The following GMIP variants were observed in gnomAD, a reference collection of about 807,000 sequenced individuals.
GMIP encodes the protein GEM-interacting protein.
In GMIP, 54 loss-of-function variants were observed where a neutral mutation model predicts 105.3. That is an observed-to-expected ratio of 0.51 (90% confidence interval 0.41 to 0.64). GMIP has a LOEUF of 0.64. GMIP is among the 30% of genes least tolerant of loss of function. The pLI is 0.00. For synonymous variants in GMIP, 541 were observed against 560.8 expected, an observed-to-expected ratio of 0.96 and a Z score of 0.50; for missense variants, 1,110 against 1,319.4, an observed-to-expected ratio of 0.84 and a Z score of 2.46.
Position 19,640,118 on chromosome 19 carries a change from C to T in GMIP, c.504G>A (p.Glu168=), listed in dbSNP as rs1347844237. 2 of 1,613,152 alleles carry T rather than the reference C, an allele frequency of 1.2e-6. No individual in the cohort carries two copies. Among genetic ancestry groups the T allele is most frequent in the South Asian group, 2.2e-5 (2 of 91,048 alleles). ...AGTCTCTTTTCTGCTGGGCCACTGT[C>T]TCCATGGCCAGGGTTCCCAGGCTGA... ...HDLSLGTLAM[E]TVAQQKRDYY... Residue 168 remains glutamate (E), a synonymous_variant, in exon 7 of 21, where the codon GAG becomes GAA. Coordinates refer to ENST00000203556, the MANE Select transcript of GMIP (RefSeq NM_016573.4).
rs756053760 is a variant in GMIP at position 19,635,539 on chromosome 19, C to T, written c.1436G>A (p.Gly479Asp). Residue 479 changes from glycine (G) to aspartate (D), a missense_variant, in exon 15 of 21, where the codon GGC (glycine) becomes GAC (aspartate). Coordinates refer to ENST00000203556, the MANE Select transcript of GMIP (RefSeq NM_016573.4). The surrounding 1 kb of genome is among the most constrained non-coding windows in gnomAD (Gnocchi z 4.7). ...DLGDGLENGL[G>D]SPFGKWTLSS... ...CAGTGTCCACTTCCCGAAGGGGCTG[C>T]CCAGCCCATTCTCCAGCCCGTCTCC... is the stretch of plus-strand genomic sequence containing the variant. The T allele has an allele frequency of 1.2e-6, 2 of 1,613,708 alleles. No homozygotes were observed. The highest frequency in any genetic ancestry group is 2.2e-5 in the South Asian group (2 of 91,076).
chr19:19,636,605 G>T, intron 13 of GMIP, 102 bp downstream of exon 13: 1 of 846,918 alleles, frequency 1.2e-6, no homozygotes. Context: ...TGTGGGGTAG[G>T]TCAGAGGTCA....
chr19:19,633,491 G>T (rs2061816906), intron 19 of GMIP, among the ~76,000 whole-genome samples: 1 of 152,184 alleles, frequency 6.6e-6, no homozygotes, highest in Admixed American at 6.5e-5. Context: ...AGGGTCTTTG[G>T]ATATTTAGCT....
Position 19,634,820 on chromosome 19 carries a change from G to A in GMIP, c.1859C>T (p.Ser620Leu). Residue 620 changes from serine (S) to leucine (L), a missense_variant, in exon 17 of 21, where the codon TCG becomes TTG. Physicochemically the swap from Ser to Leu is moderately radical, Grantham distance 145. This residue lies in a region of GMIP where 49 missense variants were observed against 95.6 expected (regional missense o/e 0.51). Transcript: ENST00000203556. The surrounding 1 kb of genome is among the most constrained non-coding windows in gnomAD (Gnocchi z 6.1). Reference protein sequence around the residue: ...ELSGNSPHDVSSVLKRFLQEL... With the variant: ...ELSGNSPHDVLSVLKRFLQEL... ...CTGAAGAAATCGCTTGAGGACACTC[G>A]AGACGTCATGAGGCGAGTTCCCCGA... is the stretch of plus-strand genomic sequence containing the variant. The A allele has an allele frequency of 6.2e-7, 1 of 1,613,804 alleles. No homozygotes were observed. The highest frequency in any genetic ancestry group is 8.5e-7 in the Non-Finnish European group (1 of 1,180,034).
rs1666958726 is a variant in GMIP at position 19,643,617 on chromosome 19, A to C, written c.-88T>G. On this transcript the variant is annotated 5_prime_UTR_variant, in exon 1 of 21. Coordinates refer to ENST00000203556, the MANE Select transcript of GMIP (RefSeq NM_016573.4). ...CCGAGCCCCGATTTCCTGCCGCCGC[A>C]GCCGCCGCCGCCGCCTCGGTTCCGC... The C allele has an allele frequency of 8.3e-7, 1 of 1,206,090 alleles. No homozygotes were observed. The highest frequency in any genetic ancestry group is 1.2e-6 in the Non-Finnish European group (1 of 866,334). The allele number at this position is 1,206,090 out of a possible 1,614,324, so 74.7% of individuals were successfully genotyped here.
At position 19,634,958 on chromosome 19, in the gene GMIP, C is replaced by T. The variant is rs551054738; in HGVS notation, c.1750-29G>A. ...CAGGGTGAGGGTGAAAAACAGACAC[C>T]TGGTTCGTGATAGGCCATCGATTCG... On this transcript the variant is annotated intron_variant, in intron 16 of 20. Coordinates refer to ENST00000203556, the MANE Select transcript of GMIP (RefSeq NM_016573.4). This position sits in a 1 kb window ranked among gnomAD's most constrained non-coding sequence, Gnocchi z 6.1. The T allele has an allele frequency of 3.7e-6, 6 of 1,613,746 alleles. No homozygotes were observed. In the South Asian group the frequency reaches 5.5e-5, roughly 15 times the overall value.
intron 1 of GMIP, 55 bp downstream of exon 1, chr19:19,643,456 T>C (rs2061946211): frequency 4.8e-6 from 7 of 1,469,914 alleles, no homozygotes; most frequent in Non-Finnish European, 6.5e-6. Context: ...GTGCCCTCAA[T>C]GTAGGAAGCA....
At chr19:19,636,411 T>G (rs1364742884) in intron 13 of GMIP, among the ~76,000 whole-genome samples, 1 of 151,692 alleles carries the variant, frequency 6.6e-6, no homozygotes, top group East Asian at 1.9e-4. Context: ...TAATCCCAGC[T>G]ACTCCAGAGG....
intron 7 of GMIP, 88 bp from the exon 8 acceptor site, chr19:19,638,570 G>T: frequency 9.1e-7 from 1 of 1,102,148 alleles, no homozygotes; most frequent in Non-Finnish European, 1.3e-6. Flanking sequence ...TGCGCCATGT[G>T]CTTTGCCACC....
intron 9 of GMIP, 21 bp downstream of exon 9, chr19:19,638,138 G>T: frequency 6.4e-7 from 1 of 1,573,596 alleles, no homozygotes; most frequent in Non-Finnish European, 8.6e-7. Flanking sequence ...GCGCTACAGG[G>T]GCTCGGGGCC....
chr19:19,637,544 G>T lies in GMIP; in HGVS notation c.945C>A (p.Phe315Leu). The change falls in exon 11 of 21, where the codon TTC (phenylalanine) becomes TTA (leucine). Residue 315 changes from phenylalanine (F) to leucine (L), a missense_variant. Phe to Leu is a conservative substitution (Grantham distance 22). Around this residue, in one of 3 missense-constraint regions of GMIP, gnomAD observed 667 missense variants for 773.2 expected, o/e 0.86. Coordinates refer to ENST00000203556, the MANE Select transcript of GMIP (RefSeq NM_016573.4). This position sits in a 1 kb window ranked among gnomAD's most constrained non-coding sequence, Gnocchi z 6.7. ...GCTCTGCCTGCGCCCCCCGCAGCCC[G>T]AAGAGACTCAGCGTCACCTGCCGGG... ...EVLRRVTLSL[F>L]GLRGAQAERG... 1 of 1,531,558 alleles carries T rather than the reference G, an allele frequency of 6.5e-7. No homozygotes were observed. Among genetic ancestry groups the T allele is most frequent in the Non-Finnish European group, 8.7e-7 (1 of 1,143,038 alleles). 94.9% of individuals were successfully genotyped at this position (1,531,558 alleles called of 1,614,324 possible). A position where few individuals can be genotyped will look rare whatever the true frequency, so the allele number is the denominator to read the frequency against.
rs1000299919 is a variant in GMIP at position 19,643,617 on chromosome 19, AGCCGCCGCCGCC to A, written c.-100_-89del. On this transcript the variant is annotated 5_prime_UTR_variant, in exon 1 of 21. Transcript: ENST00000203556. ...CCGAGCCCCGATTTCCTGCCGCCGC[AGCCGCCGCCGCC>A]GCCTCGGTTCCGCGTCGCCCTGCCC... 8.3e-7 allele frequency: 1 copy of A among 1,206,090 alleles called. No individual in the cohort carries two copies. Among genetic ancestry groups the A allele is most frequent in the South Asian group, 1.4e-5 (1 of 69,740 alleles). The allele number at this position is 1,206,090 out of a possible 1,614,324, so 74.7% of individuals were successfully genotyped here.
At position 19,637,421 on chromosome 19, in the gene GMIP, G is replaced by A. The variant is rs569562572; in HGVS notation, c.1068C>T (p.Ala356=). The change falls in exon 11 of 21, where the codon GCC becomes GCT. Residue 356 remains alanine, a synonymous_variant. Coordinates refer to ENST00000203556, the MANE Select transcript of GMIP (RefSeq NM_016573.4). The surrounding 1 kb of genome is among the most constrained non-coding windows in gnomAD (Gnocchi z 6.7). ...QEFVRALRPE[A]PPPPPPAFSF... ...AGAAGGCGGGCGGCGGGGGCGGCGG[G>A]GCCTCGGGCCGCAGCGCCCGTACAA... is the stretch of plus-strand genomic sequence containing the variant. 589 of 1,491,296 alleles carry A rather than the reference G, an allele frequency of 3.9e-4. 7 individuals carry two copies. In the South Asian group the frequency reaches 7.4e-3, roughly 19 times the overall value. 92.4% of individuals were successfully genotyped at this position (1,491,296 alleles called of 1,614,324 possible).
rs2061774044 is a variant in GMIP, at chr19:19,629,907, T to G, written c.*56A>C. Reference sequence around the variant, plus strand: ...GCCACTAGGTGGTGGGAGGTAGGGATATATGGGTCCGTCTTCACAATCTGG... The same window carrying G: ...GCCACTAGGTGGTGGGAGGTAGGGAGATATGGGTCCGTCTTCACAATCTGG... On this transcript the variant is annotated 3_prime_UTR_variant, in exon 21 of 21. Transcript: ENST00000203556. The G allele has an allele frequency of 6.5e-7, 1 of 1,536,344 alleles. No individual in the cohort carries two copies. Among genetic ancestry groups the G allele is most frequent in the Non-Finnish European group, 8.8e-7 (1 of 1,136,510 alleles).
chr19:19,636,216 A>C (rs987183105), intron 13 of GMIP, among the ~76,000 whole-genome samples: 1 of 148,094 alleles, frequency 6.8e-6, no homozygotes, highest in Non-Finnish European at 1.5e-5. Context: ...AAAAAAAAAA[A>C]AGAAAGAAAG....
Position 19,629,771 on chromosome 19 carries a change from A to G in GMIP, c.*192T>C. On this transcript the variant is annotated 3_prime_UTR_variant, in exon 21 of 21. Transcript: ENST00000203556. ...CTGTGTCTAGTGGGGGGACTCTGGG[A>G]CATTATCCCCAAAAGGGTTTTAGGC... 1 of 607,464 alleles carries G rather than the reference A, an allele frequency of 1.6e-6. No individual in the cohort carries two copies. The highest frequency in any genetic ancestry group is 2.9e-6 in the Non-Finnish European group (1 of 350,046). The allele number at this position is 607,464 out of a possible 1,614,324, so 37.6% of individuals were successfully genotyped here. A position where few individuals can be genotyped will look rare whatever the true frequency, so the allele number is the denominator to read the frequency against.
Position 19,642,592 on chromosome 19 carries a change from T to C in GMIP, c.47A>G (p.Lys16Arg). Residue 16 changes from lysine to arginine, a missense_variant, in exon 2 of 21, where the codon AAG becomes AGG. Physicochemically the swap from Lys to Arg is conservative, Grantham distance 26. This residue lies in a region of GMIP where 667 missense variants were observed against 773.2 expected (regional missense o/e 0.86). Coordinates refer to ENST00000203556, the MANE Select transcript of GMIP (RefSeq NM_016573.4). ...PGLPPGPEGR[K>R]RYSDIFRSLD... ...GCTCCGGAAGATGTCACTGTACCTC[T>C]TCCTGCCCTCAGGACCTGGGGGGAG... The C allele has an allele frequency of 6.2e-7, 1 of 1,608,332 alleles. No individual in the cohort carries two copies. The highest frequency in any genetic ancestry group is 8.5e-7 in the Non-Finnish European group (1 of 1,175,322).
rs2061903061 is a variant in GMIP, at chr19:19,640,174, A to T, written c.448T>A (p.Tyr150Asn). 6.2e-7 allele frequency: 1 copy of T among 1,611,274 alleles called. No individual in the cohort carries two copies. The highest frequency in any genetic ancestry group is 1.7e-5 in the Admixed American group (1 of 59,864). Residue 150 changes from tyrosine to asparagine, a missense_variant, in exon 7 of 21, where the codon TAC becomes AAC. By Grantham distance (143) the Tyr-to-Asn change is moderately radical (BLOSUM62 -2). This residue lies in a region of GMIP where 667 missense variants were observed against 773.2 expected (regional missense o/e 0.86). Coordinates refer to ENST00000203556, the MANE Select transcript of GMIP (RefSeq NM_016573.4). ...TGCTCCAGAAACAGGGTGTAGATGT[A>T]CTGCAGAGGCATGTGGCTCTGGGGA... ...IQQQSHMPLQ[Y>N]IYTLFLEHDL...
chr19:19,641,230 GC>G (rs1568419709), intron 4 of GMIP, among the ~76,000 whole-genome samples: 1 of 151,456 alleles, frequency 6.6e-6, no homozygotes, highest in African/African-American at 2.4e-5. Flanking sequence ...ACAGGCACTC[GC>G]CACTGCGCCC....
Sources: gnomAD v4.1 joint callset for allele counts (sites outside exome capture counted in the v4.1 genomes callset) on GRCh38, gnomAD v4.1.1 for gene constraint, gnomAD v4.1.1 regional missense constraint, Gnocchi (gnomAD v3.1) non-coding constraint, MANE v1.5 for transcripts, NCBI Gene and HGNC (gene_info 2026-07-23, HGNC 2026-07-21) for gene names.